Variants in NEBL observed in about 807,000 individuals in gnomAD.
NEBL encodes the protein LIM and SH3 protein 2.
Under a neutral mutation model 140.2 loss-of-function variants are expected in NEBL, and 122 were observed. The observed-to-expected ratio is 0.87, with a 90% CI of 0.75 to 1.01. NEBL has a LOEUF of 1.01. Ranked by LOEUF, NEBL falls within the 50% of genes least tolerant of loss-of-function variation. NEBL has a pLI of 0.00. For synonymous variants in NEBL, 436 were observed against 398.9 expected (o/e 1.09, Z -1.11); for missense variants, 1,365 against 1,231.3 (o/e 1.11, Z -1.62).
chr10:21,216,143 C>T (rs1291880158), intron 3 of NEBL, among the ~76,000 whole-genome samples: 2 of 152,218 alleles, frequency 1.3e-5, no homozygotes, highest in East Asian at 1.9e-4. Flanking sequence ...ACCCATCCTA[C>T]GTGGGAAAGC....
intron 3 of NEBL, among the ~76,000 whole-genome samples, chr10:21,204,146 C>T (rs768934575): frequency 1.8e-4 from 27 of 152,148 alleles, no homozygotes; most frequent in Non-Finnish European, 3.4e-4. Flanking sequence ...CCCCTGTGAG[C>T]ACCTGAACTT....
chr10:21,223,207 T>C (rs535823045), intron 3 of NEBL, among the ~76,000 whole-genome samples: 80 of 152,376 alleles, frequency 5.3e-4, no homozygotes, highest in African/African-American at 1.8e-3. Flanking sequence ...CCTGCTACTC[T>C]TCCCAGCCTC....
rs772905786 is a variant in NEBL, at chr10:20,831,561, T to C, written c.1472A>G (p.Glu491Gly). The change falls in exon 15 of 28, where the codon GAG becomes GGG. Residue 491 changes from glutamate to glycine, a missense_variant. Around this residue, in one of 2 missense-constraint regions of NEBL, gnomAD observed 1,323 missense variants for 1,154.8 expected, o/e 1.15. Coordinates refer to ENST00000377122, the MANE Select transcript of NEBL (RefSeq NM_006393.3). ...ASEKDYKRDL[E>G]TEIKGKGMQV... ...CATCCCTTTCCCTTTAATTTCAGTC[T>C]CCAGATCTCTTTTATAGTCTTTCTG... is the stretch of plus-strand genomic sequence containing the variant. 8.7e-6 allele frequency: 14 copies of C among 1,608,942 alleles called. No individual in the cohort carries two copies. The South Asian group carries it at 1.4e-4, about 16-fold the overall frequency.
chr10:20,840,927 A>C, intron 12 of NEBL, 78 bp from the exon 13 acceptor site: 1 of 840,950 alleles, frequency 1.2e-6, no homozygotes, highest in Admixed American at 2.0e-5. Flanking sequence ...TGTTTTCTAG[A>C]GATCACAGAA....
chr10:21,001,427 C>G (rs1350048426), intron 3 of NEBL, among the ~76,000 whole-genome samples: 1 of 152,108 alleles, frequency 6.6e-6, no homozygotes, highest in Non-Finnish European at 1.5e-5. Flanking sequence ...AGGTGGACAT[C>G]ATTTCATAGC....
At chr10:21,193,918 C>T (rs993199421) in intron 3 of NEBL, among the ~76,000 whole-genome samples, 2 of 152,176 alleles carry the variant, frequency 1.3e-5, no homozygotes, top group Non-Finnish European at 2.9e-5. Context: ...AAAATACTAT[C>T]ATGATATTTC....
chr10:20,847,195 G>A (rs1842029636), intron 11 of NEBL, among the ~76,000 whole-genome samples: 1 of 152,036 alleles, frequency 6.6e-6, no homozygotes, highest in Non-Finnish European at 1.5e-5. Context: ...ACCAAACTTT[G>A]TCTAAGACTT....
chr10:21,270,191 C>T (rs1359744634), intron 1 of NEBL, among the ~76,000 whole-genome samples: 2 of 152,226 alleles, frequency 1.3e-5, no homozygotes, highest in East Asian at 3.9e-4. Flanking sequence ...TTCTGTCATC[C>T]CTCTGTGAGA....
chr10:20,935,187 C>T (rs1488427646), intron 4 of NEBL, among the ~76,000 whole-genome samples: 1 of 152,132 alleles, frequency 6.6e-6, no homozygotes, highest in Non-Finnish European at 1.5e-5. Context: ...ATAAAAGTCA[C>T]CCCGAGGAAG....
At chr10:21,025,949 AACT>A (rs1409795052) in intron 2 of NEBL, among the ~76,000 whole-genome samples, 1 of 152,168 alleles carries the variant, frequency 6.6e-6, no homozygotes. Context: ...TATGGCTACT[AACT>A]ACTACTACTT....
At chr10:21,152,008 C>A (rs534449038) in intron 2 of NEBL, among the ~76,000 whole-genome samples, 5 of 152,286 alleles carry the variant, frequency 3.3e-5, no homozygotes, top group East Asian at 1.9e-4. Flanking sequence ...CTTAGAACAG[C>A]GCCTGGTTCA....
intron 3 of NEBL, among the ~76,000 whole-genome samples, chr10:21,183,722 A>G (rs955492914): frequency 6.6e-6 from 1 of 152,216 alleles, no homozygotes; most frequent in African/African-American, 2.4e-5. Flanking sequence ...CAGGCCGGAC[A>G]TAAGGAGGAC....
At chr10:20,814,566 C>T (rs994253104) in intron 22 of NEBL, among the ~76,000 whole-genome samples, 12 of 151,642 alleles carry the variant, frequency 7.9e-5, no homozygotes, top group African/African-American at 2.9e-4. Flanking sequence ...TGTGCTATTG[C>T]ATTCCAGCCC....
chr10:20,992,088 T>A (rs1342789293), intron 3 of NEBL, among the ~76,000 whole-genome samples: 4 of 152,218 alleles, frequency 2.6e-5, no homozygotes, highest in Non-Finnish European at 5.9e-5. Context: ...AATGCAGGTA[T>A]CTTTTTGGTA....
chr10:20,954,631 C>A (rs1324482587), intron 4 of NEBL, among the ~76,000 whole-genome samples: 1 of 152,200 alleles, frequency 6.6e-6, no homozygotes, highest in Non-Finnish European at 1.5e-5. Flanking sequence ...CCTGCAAGGC[C>A]AGAGTCCCCT....
In NEBL at chr10:21,001,887, A is replaced by G. The variant is rs1033423243; in HGVS notation, c.249+18230T>C. On this transcript the variant is annotated intron_variant, in intron 3 of 6. Transcript: ENST00000417816. Reference sequence around the variant, plus strand: ...TTTCTCTCCACCCACCACACCATATATAAGCAAAACTGGTCTCTGTTTTTC... The same window carrying G: ...TTTCTCTCCACCCACCACACCATATGTAAGCAAAACTGGTCTCTGTTTTTC... Among the ~76,000 whole-genome samples, 4 of 152,284 alleles carry G rather than the reference A, an allele frequency of 2.6e-5. No homozygotes were observed. The South Asian group carries it at 8.3e-4, about 32-fold the overall frequency.
At chr10:21,003,972 T>C (rs1838012552) in intron 3 of NEBL, among the ~76,000 whole-genome samples, 1 of 152,236 alleles carries the variant, frequency 6.6e-6, no homozygotes, top group African/African-American at 2.4e-5. Context: ...CAAGAATCCA[T>C]GAATGTATCA....
intron 2 of NEBL, among the ~76,000 whole-genome samples, chr10:21,171,056 C>T (rs1841048542): frequency 6.6e-6 from 1 of 152,168 alleles, no homozygotes; most frequent in South Asian, 2.1e-4. Context: ...AAACATCAGG[C>T]CAGGTGCGGT....
intron 3 of NEBL, among the ~76,000 whole-genome samples, chr10:21,187,427 T>C (rs1226166523): frequency 6.6e-6 from 1 of 152,112 alleles, no homozygotes; most frequent in Non-Finnish European, 1.5e-5. Context: ...CCCGATCAGC[T>C]AGCATCTGGT....
Sources: gnomAD v4.1 joint callset for allele counts (sites outside exome capture counted in the v4.1 genomes callset) on GRCh38, gnomAD v4.1.1 for gene constraint, gnomAD v4.1.1 regional missense constraint, MANE v1.5 for transcripts, NCBI Gene and HGNC (gene_info 2026-07-23, HGNC 2026-07-21) for gene names.